The following MRTFA variants were observed in gnomAD, a reference collection of about 807,000 sequenced individuals.
MRTFA encodes myocardin related transcription factor A.
A neutral mutation model predicts 83.5 loss-of-function variants in MRTFA; 20 were observed. The ratio of observed to expected loss-of-function variants is 0.24; its 90% CI spans 0.17 to 0.35. The LOEUF (loss-of-function observed/expected upper bound fraction) is 0.35, where lower values mean the gene tolerates loss of function less well. MRTFA is among the 10% of genes least tolerant of loss of function. The probability of loss-of-function intolerance (pLI) is 1.00; values close to 1 mark genes in which losing one functional copy is unlikely to be tolerated. For missense variants in MRTFA, 1,200 were observed against 1,224.7 expected (o/e 0.98, Z 0.30); for synonymous variants, 659 against 541.2 (o/e 1.22, Z -3.02).
At chr22:40,506,836 C>T (rs1220458675) in intron 3 of MRTFA, among the ~76,000 whole-genome samples, 2 of 152,156 alleles carry the variant, frequency 1.3e-5, no homozygotes, top group African/African-American at 2.4e-5. Flanking sequence ...AACAGCTAAC[C>T]GAGTGTACTA....
intron 2 of MRTFA, among the ~76,000 whole-genome samples, chr22:40,574,596 G>A (rs919186815): frequency 6.6e-6 from 1 of 151,824 alleles, no homozygotes; most frequent in Non-Finnish European, 1.5e-5. Context: ...CACCACGCCG[G>A]CTGATTTTTG....
chr22:40,524,685 C>T (rs562019765), intron 3 of MRTFA, among the ~76,000 whole-genome samples: 2 of 152,260 alleles, frequency 1.3e-5, no homozygotes, highest in East Asian at 3.9e-4. Context: ...GCAGAGGTTC[C>T]AAATTAACAG....
chr22:40,622,878 G>A (rs1602507171), intron 1 of MRTFA, among the ~76,000 whole-genome samples: 1 of 152,198 alleles, frequency 6.6e-6, no homozygotes, highest in Non-Finnish European at 1.5e-5. Flanking sequence ...GCTTGGAAGA[G>A]GGTGATTATG....
intron 2 of MRTFA, among the ~76,000 whole-genome samples, chr22:40,573,461 G>T (rs1439253614): frequency 3.3e-5 from 5 of 152,094 alleles, no homozygotes. Context: ...TACCATGTTG[G>T]CCAGGCTGGT....
At chr22:40,556,951 G>C (rs1157168778) in intron 2 of MRTFA, among the ~76,000 whole-genome samples, 1 of 152,134 alleles carries the variant, frequency 6.6e-6, no homozygotes, top group Non-Finnish European at 1.5e-5. Context: ...TTCAGCCCTA[G>C]GACTTAGGAA....
intron 4 of MRTFA, among the ~76,000 whole-genome samples, chr22:40,438,095 T>C (rs937153856): frequency 7.2e-5 from 11 of 152,196 alleles, no homozygotes; most frequent in Non-Finnish European, 1.6e-4. Context: ...ACAGAAGTTC[T>C]GGATAGACAG....
intron 14 of MRTFA, among the ~76,000 whole-genome samples, chr22:40,413,938 TGAG>T (rs779202204): frequency 4.6e-5 from 7 of 152,164 alleles, no homozygotes; most frequent in Admixed American, 6.6e-5. Flanking sequence ...GAAGTGCTGG[TGAG>T]GAGGTGAAGA....
Position 40,411,889 on chromosome 22 carries a change from T to C in MRTFA, c.2597A>G (p.Lys866Arg). The change falls in exon 15 of 15, where the codon AAG becomes AGG. Residue 866 changes from lysine (K) to arginine (R), a missense_variant. Physicochemically the swap from Lys to Arg is conservative, Grantham distance 26 (BLOSUM62 2). Around this residue, in one of 2 missense-constraint regions of MRTFA, gnomAD observed 1,107 missense variants for 1,041.8 expected, o/e 1.06. Coordinates refer to ENST00000355630, the MANE Select transcript of MRTFA (RefSeq NM_020831.6). ...CTTCCCTGGCAGGGATGGCGGCTCC[T>C]TGAAATCTGCTGAAATTTCTGCCAA... is the stretch of plus-strand genomic sequence containing the variant. 6.8e-7 allele frequency: 1 copy of C among 1,479,830 alleles called. No homozygotes were observed. The highest frequency in any genetic ancestry group is 9.0e-7 in the Non-Finnish European group (1 of 1,113,462). The allele number at this position is 1,479,830 out of a possible 1,614,324, so 91.7% of individuals were successfully genotyped here.
chr22:40,551,646 G>A (rs929032932), intron 3 of MRTFA, among the ~76,000 whole-genome samples: 11 of 152,138 alleles, frequency 7.2e-5, no homozygotes, highest in African/African-American at 2.7e-4. Flanking sequence ...TGGAATTACA[G>A]GCCTAAGTCA....
intron 5 of MRTFA, among the ~76,000 whole-genome samples, chr22:40,434,977 G>C (rs1288371410): frequency 6.6e-6 from 1 of 152,152 alleles, no homozygotes; most frequent in African/African-American, 2.4e-5. Flanking sequence ...TGGGCTTGGA[G>C]TGTGGGCCAG....
At chr22:40,497,147 T>G (rs2054369173) in intron 3 of MRTFA, among the ~76,000 whole-genome samples, 2 of 152,154 alleles carry the variant, frequency 1.3e-5, no homozygotes, top group Admixed American at 1.3e-4. Flanking sequence ...CTCAGCATGG[T>G]AAGTGCTCTG....
chr22:40,609,482 C>CAAAAAAAAA (rs148106089), intron 1 of MRTFA, among the ~76,000 whole-genome samples: 1 of 69,720 alleles, frequency 1.4e-5, no homozygotes, highest in Non-Finnish European at 2.5e-5. Context: ...GTCTCTTTAA[C>CAAAAAAAAA]AAAAAAAAAA....
chr22:40,590,111 T>A (rs1449291061), intron 2 of MRTFA, among the ~76,000 whole-genome samples: 1 of 152,202 alleles, frequency 6.6e-6, no homozygotes, highest in Non-Finnish European at 1.5e-5. Context: ...GCATACTGTC[T>A]TCCACATAAT....
intron 3 of MRTFA, among the ~76,000 whole-genome samples, chr22:40,499,914 C>A (rs984205823): frequency 3.5e-5 from 3 of 84,958 alleles, no homozygotes; most frequent in African/African-American, 9.0e-5. Context: ...TCAAGTAGAC[C>A]TTTTTTTTTT....
At chr22:40,490,641 C>T (rs143556040) in intron 3 of MRTFA, among the ~76,000 whole-genome samples, 3 of 151,864 alleles carry the variant, frequency 2.0e-5, no homozygotes, top group African/African-American at 7.2e-5. Context: ...AAAATATTCT[C>T]TCTGCAAACT....
intron 3 of MRTFA, among the ~76,000 whole-genome samples, chr22:40,485,803 T>C (rs1222205172): frequency 6.6e-6 from 1 of 151,990 alleles, no homozygotes; most frequent in Admixed American, 6.6e-5. Flanking sequence ...AAAAATAAAC[T>C]CTAAGATGGA....
chr22:40,498,274 T>TATA lies in MRTFA; in HGVS notation c.242-34989_242-34988insTAT, dbSNP rs1491515144. 5.7e-3 allele frequency among the ~76,000 whole-genome samples: 214 copies of TATA among 37,502 alleles called. 3 individuals carry two copies. Among genetic ancestry groups the TATA allele is most frequent in the Non-Finnish European group, 8.1e-3 (155 of 19,186 alleles). 24.6% of individuals were successfully genotyped at this position (37,502 alleles called of 152,430 possible). ...CTTCATATATATATATATATATATA[T>TATA]TTTTTTTTTTTTTTTTTTTTTTTTT... On this transcript the variant is annotated intron_variant, in intron 3 of 14. Coordinates refer to ENST00000355630, the MANE Select transcript of MRTFA (RefSeq NM_020831.6).
chr22:40,572,487 TA>T (rs55934032), intron 2 of MRTFA, among the ~76,000 whole-genome samples: 12,640 of 143,600 alleles, frequency 0.088, 726 homozygotes, highest in East Asian at 0.25. Context: ...CCCTATCTCT[TA>T]AAAAAAAAAA....
intron 4 of MRTFA, among the ~76,000 whole-genome samples, chr22:40,436,616 T>A (rs1231186269): frequency 6.6e-6 from 1 of 152,142 alleles, no homozygotes; most frequent in Non-Finnish European, 1.5e-5. Flanking sequence ...GCACCATGAA[T>A]GGAAGGTCTG....
Sources: allele counts gnomAD v4.1 joint callset (sites outside exome capture counted in the v4.1 genomes callset), GRCh38; gene constraint gnomAD v4.1.1; regional missense constraint gnomAD v4.1.1; transcripts MANE v1.5; gene names NCBI Gene and HGNC (gene_info 2026-07-23, HGNC 2026-07-21).